CCDC178: variants seen among roughly 807,000 people sequenced by gnomAD.
CCDC178 encodes coiled-coil domain-containing protein 178.
Under a neutral mutation model 117.4 loss-of-function variants are expected in CCDC178, and 126 were observed. The ratio of observed to expected loss-of-function variants is 1.07; its 90% CI spans 0.93 to 1.24. CCDC178 has a LOEUF of 1.24. Ranked by LOEUF, CCDC178 falls within the 50% of genes most tolerant of loss-of-function variation. The probability of loss-of-function intolerance (pLI) is 0.00; values close to 1 mark genes in which losing one functional copy is unlikely to be tolerated. For missense variants in CCDC178, 1,030 were observed against 986.9 expected (o/e 1.04, Z -0.59); for synonymous variants, 283 against 313.4 (o/e 0.90, Z 1.02).
At chr18:33,147,843 C>G (rs1033279744) in intron 20 of CCDC178, among the ~76,000 whole-genome samples, 99 of 152,304 alleles carry the variant, frequency 6.5e-4, no homozygotes, top group African/African-American at 2.1e-3. Flanking sequence ...GACAAAACTG[C>G]CATTGTCATC....
intron 21 of CCDC178, among the ~76,000 whole-genome samples, chr18:33,001,812 A>G (rs915113925): frequency 2.0e-5 from 3 of 152,322 alleles, no homozygotes; most frequent in Middle Eastern, 3.4e-3. Flanking sequence ...CTGCAAAGAC[A>G]CATAGAAACT....
chr18:33,284,480 G>A (rs1404427779), intron 12 of CCDC178, among the ~76,000 whole-genome samples: 2 of 151,982 alleles, frequency 1.3e-5, no homozygotes, highest in African/African-American at 4.8e-5. Context: ...GAAGAAACAT[G>A]CCATCAATTA....
intron 20 of CCDC178, among the ~76,000 whole-genome samples, chr18:33,147,581 A>AT (rs1219705115): frequency 1.3e-5 from 2 of 151,522 alleles, no homozygotes; most frequent in Non-Finnish European, 2.9e-5. Context: ...CCTAACGAGC[A>AT]TGCTGCCTTC....
At chr18:33,248,452 C>T (rs1267909261) in intron 14 of CCDC178, among the ~76,000 whole-genome samples, 2 of 147,656 alleles carry the variant, frequency 1.4e-5, no homozygotes, top group African/African-American at 2.5e-5. Context: ...CAGTGTATGA[C>T]GTTCCCCTTC....
chr18:33,024,841 C>A (rs1019855631), intron 21 of CCDC178, among the ~76,000 whole-genome samples: 1 of 149,372 alleles, frequency 6.7e-6, no homozygotes, highest in African/African-American at 2.5e-5. Flanking sequence ...TTAGTAGAGA[C>A]GGGGTTTCAC....
At chr18:33,199,095 A>T (rs2058964858) in intron 20 of CCDC178, among the ~76,000 whole-genome samples, 1 of 152,000 alleles carries the variant, frequency 6.6e-6, no homozygotes, top group African/African-American at 2.4e-5. Context: ...GCTATATTTT[A>T]TCCTTATTTC....
chr18:33,308,252 C>T lies in CCDC178; in HGVS notation c.1023-14940G>A, dbSNP rs548772564. Among the ~76,000 whole-genome samples the T allele has an allele frequency of 4.6e-5, 7 of 152,318 alleles. No homozygotes were observed. The East Asian group carries it at 1.4e-3, about 29-fold the overall frequency. On this transcript the variant is annotated intron_variant, in intron 11 of 22. Coordinates refer to ENST00000383096, the MANE Select transcript of CCDC178 (RefSeq NM_001105528.4). ...GAGGCCACCTCTTGCAACAGCATGC[C>T]CTGCACATGAGACATGGAGCCAAAG...
intron 9 of CCDC178, among the ~76,000 whole-genome samples, chr18:33,336,915 T>A (rs1424660493): frequency 6.6e-6 from 1 of 152,110 alleles, no homozygotes; most frequent in African/African-American, 2.4e-5. Flanking sequence ...TTAGGATTGC[T>A]TTTTTCTAGT....
intron 19 of CCDC178, among the ~76,000 whole-genome samples, chr18:33,213,666 G>A (rs1311837490): frequency 2.0e-5 from 3 of 151,950 alleles, no homozygotes; most frequent in East Asian, 1.9e-4. Flanking sequence ...CACTATGTAC[G>A]TGTATATCTA....
intron 21 of CCDC178, among the ~76,000 whole-genome samples, chr18:33,011,767 CAAAAAAAAAAAAAAAAAA>C (rs71177899): frequency 4.0e-4 from 12 of 30,010 alleles, no homozygotes; most frequent in East Asian, 1.9e-3. Context: ...GAGCAGAATG[CAAAAAAAAAAAAAAAAAA>C]AAAAAAAAAA....
chr18:33,033,280 T>C (rs2056380755), intron 21 of CCDC178, among the ~76,000 whole-genome samples: 1 of 152,152 alleles, frequency 6.6e-6, no homozygotes, highest in Non-Finnish European at 1.5e-5. Flanking sequence ...AGGAAGTATC[T>C]TTTAAAAGAA....
chr18:33,001,377 G>A (rs1410548059), intron 21 of CCDC178, among the ~76,000 whole-genome samples: 1 of 151,326 alleles, frequency 6.6e-6, no homozygotes, highest in African/African-American at 2.4e-5. Context: ...GCCGGATGTG[G>A]TGGTGGGTGC....
intron 22 of CCDC178, among the ~76,000 whole-genome samples, chr18:32,952,735 A>AT (rs1385056423): frequency 1.6e-5 from 2 of 124,616 alleles, no homozygotes; most frequent in Non-Finnish European, 3.5e-5. Flanking sequence ...ATGTGTTTTT[A>AT]TTTTCTACCA....
Position 33,396,235 on chromosome 18 carries a change from A to T in CCDC178, c.118+914T>A, listed in dbSNP as rs1373937617. Among the ~76,000 whole-genome samples, 6 of 152,136 alleles carry T rather than the reference A, an allele frequency of 3.9e-5. 1 individual carries two copies. Among genetic ancestry groups the T allele is most frequent in the Non-Finnish European group, 5.9e-5 (4 of 67,990 alleles). On this transcript the variant is annotated intron_variant, in intron 4 of 22. Coordinates refer to ENST00000383096, the MANE Select transcript of CCDC178 (RefSeq NM_001105528.4). ...AATAATAATCAGGCAAATTTAAATT[A>T]AAACCACAATAAGACATTGCTACAT...
intron 22 of CCDC178, among the ~76,000 whole-genome samples, chr18:32,967,583 A>C (rs1263695727): frequency 6.6e-6 from 1 of 151,468 alleles, no homozygotes; most frequent in East Asian, 1.9e-4. Context: ...TTTATGACCA[A>C]TCTACAAATC....
At chr18:33,287,368 A>T (rs2060111436) in intron 12 of CCDC178, among the ~76,000 whole-genome samples, 1 of 152,240 alleles carries the variant, frequency 6.6e-6, no homozygotes, top group African/African-American at 2.4e-5. Context: ...GAAAAAATTA[A>T]TATATCTAAA....
At chr18:33,278,502 A>AT (rs954490534) in intron 12 of CCDC178, among the ~76,000 whole-genome samples, 13 of 151,838 alleles carry the variant, frequency 8.6e-5, no homozygotes, top group Non-Finnish European at 1.6e-4. Context: ...TAACATTTTT[A>AT]TTTTATGCCT....
chr18:33,271,589 A>G (rs1202611002), intron 12 of CCDC178, among the ~76,000 whole-genome samples: 1 of 151,498 alleles, frequency 6.6e-6, no homozygotes, highest in Non-Finnish European at 1.5e-5. Context: ...ACGAATATGA[A>G]TCCACCCAAC....
chr18:33,437,145 C>T (rs910679267), intron 2 of CCDC178, among the ~76,000 whole-genome samples: 8 of 152,154 alleles, frequency 5.3e-5, no homozygotes, highest in Non-Finnish European at 1.2e-4. Flanking sequence ...GCTTTTTCAG[C>T]CTCTCAAAGA....
Sources: gnomAD v4.1 joint callset for allele counts (sites outside exome capture counted in the v4.1 genomes callset) on GRCh38, gnomAD v4.1.1 for gene constraint, MANE v1.5 for transcripts, NCBI Gene and HGNC (gene_info 2026-07-23, HGNC 2026-07-21) for gene names.